PCM1: variants seen among roughly 807,000 people sequenced by gnomAD.
PCM1 encodes the protein pericentriolar material 1 protein.
A neutral mutation model predicts 241.9 loss-of-function variants in PCM1; 157 were observed. That is an observed-to-expected ratio of 0.65 (90% CI 0.57 to 0.74). The LOEUF (loss-of-function observed/expected upper bound fraction) is 0.74, where lower values mean the gene tolerates loss of function less well. Among genes scored for constraint, PCM1 ranks in the 30% least tolerant of loss-of-function variants. PCM1 has a pLI of 0.00. For synonymous variants in PCM1, 1,085 were observed against 784.9 expected, an observed-to-expected ratio of 1.38 and a Z score of -6.39; for missense variants, 3,478 against 2,360.1, an observed-to-expected ratio of 1.47 and a Z score of -9.81.
chr8:17,944,627 A>G (rs1349216944), intron 6 of PCM1, among the ~76,000 whole-genome samples: 1 of 152,128 alleles, frequency 6.6e-6, no homozygotes, highest in Non-Finnish European at 1.5e-5. Flanking sequence ...AAGAATTAAT[A>G]TACACCTAGC....
Position 17,993,510 on chromosome 8 carries a change from C to G in PCM1, c.4718C>G (p.Ser1573Ter). 6.3e-7 allele frequency: 1 copy of G among 1,578,068 alleles called. No individual in the cohort carries two copies. Among genetic ancestry groups the G allele is most frequent in the Non-Finnish European group, 8.6e-7 (1 of 1,162,914 alleles). The stretch of plus-strand genomic sequence containing the variant: ...ACTCCCGTTATTGAAAATCGTAGTT[C>G]ACAACAACCTGTAAGTGAAGTTTCT... Reference protein sequence around the residue: ...EETPVIENRSSQQPVSEVSTI... With the variant: ...EETPVIENRS The change falls in exon 29 of 39, where the codon TCA becomes TGA. Residue 1573 changes from serine (S) to a stop codon, truncating the protein, a stop_gained. Coordinates refer to ENST00000325083, the MANE Select transcript of PCM1 (RefSeq NM_006197.4). LOFTEE classifies it high-confidence loss of function.
At position 17,956,647 on chromosome 8, in the gene PCM1, T is replaced by G; in HGVS notation, c.1516T>G (p.Leu506Val). The G allele has an allele frequency of 6.2e-7, 1 of 1,602,504 alleles. No individual in the cohort carries two copies. Among genetic ancestry groups the G allele is most frequent in the Non-Finnish European group, 8.5e-7 (1 of 1,172,898 alleles). ...AAAGAGATTGAATGAGCTAAGAGAATTAGTTCATTATTATGAACAAACGTC... is the reference window on the plus strand; with the variant it reads ...AAAGAGATTGAATGAGCTAAGAGAAGTAGTTCATTATTATGAACAAACGTC... ...VRKRLNELRE[L>V]VHYYEQTSDM... The change falls in exon 11 of 39, where the codon TTA becomes GTA. Residue 506 changes from leucine to valine, a missense_variant. Transcript: ENST00000325083.
At chr8:18,022,512 T>A (rs1175783456) in intron 36 of PCM1, among the ~76,000 whole-genome samples, 2 of 152,242 alleles carry the variant, frequency 1.3e-5, no homozygotes, top group Non-Finnish European at 2.9e-5. Flanking sequence ...ATTGGTTTTA[T>A]GAAAAGGTTT....
At chr8:17,929,182 TA>T (rs1434417043) in intron 2 of PCM1, among the ~76,000 whole-genome samples, 3 of 152,180 alleles carry the variant, frequency 2.0e-5, no homozygotes, top group Non-Finnish European at 2.9e-5. Flanking sequence ...TCTAGGAGGA[TA>T]CTTCTCAGTA....
At chr8:17,951,481 G>T (rs1015747294) in intron 8 of PCM1, among the ~76,000 whole-genome samples, 1 of 152,160 alleles carries the variant, frequency 6.6e-6, no homozygotes, top group Admixed American at 6.5e-5. Flanking sequence ...TGGCAACTCT[G>T]TGTTAATAGC....
In PCM1 at chr8:18,009,586, T is replaced by G. The variant is rs1169345073; in HGVS notation, c.5002T>G (p.Cys1668Gly). The change falls in exon 31 of 39, where the codon TGT becomes GGT. Residue 1668 changes from cysteine to glycine, a missense_variant. Coordinates refer to ENST00000325083, the MANE Select transcript of PCM1 (RefSeq NM_006197.4). The stretch of plus-strand genomic sequence containing the variant: ...ATTTGCTGGCAGAAAACTGAAAGAC[T>G]GTGGAGAAGATCTTCTTGTAGAGAT... ...AKFAGRKLKD[C>G]GEDLLVEISE... 4 of 1,602,954 alleles carry G rather than the reference T, an allele frequency of 2.5e-6. No individual in the cohort carries two copies. Among genetic ancestry groups the G allele is most frequent in the Non-Finnish European group, 3.4e-6 (4 of 1,174,236 alleles).
intron 36 of PCM1, among the ~76,000 whole-genome samples, chr8:18,016,665 A>C (rs750055759): frequency 7.8e-4 from 119 of 152,330 alleles, no homozygotes; most frequent in Non-Finnish European, 1.5e-3. Context: ...AACCAAAATA[A>C]AATGAATTGT....
rs768497198 is a variant in PCM1, at chr8:17,953,023, G to A, written c.1125G>A (p.Arg375=). Residue 375 remains arginine (R), a synonymous_variant, in exon 9 of 39, where the codon AGG becomes AGA. Transcript: ENST00000325083. Reference sequence around the variant, plus strand: ...AGGCAGAAAGTCTTTCATTAACTAGGGAGGTTTCCCAGAGCAGGAAACCAT... The same window carrying A: ...AGGCAGAAAGTCTTTCATTAACTAGAGAGGTTTCCCAGAGCAGGAAACCAT... The part of the protein sequence containing the change: ...RRQAESLSLT[R]EVSQSRKPSA... The A allele has an allele frequency of 1.2e-6, 2 of 1,608,494 alleles. No homozygotes were observed.
At chr8:17,936,004 G>T (rs1389405375) in intron 3 of PCM1, among the ~76,000 whole-genome samples, 1 of 152,130 alleles carries the variant, frequency 6.6e-6, no homozygotes, top group Non-Finnish European at 1.5e-5. Context: ...AAATTATCAA[G>T]AATTACGTTT....
At chr8:17,936,413 G>T (rs1158211260) in intron 3 of PCM1, among the ~76,000 whole-genome samples, 1 of 152,162 alleles carries the variant, frequency 6.6e-6, no homozygotes, top group African/African-American at 2.4e-5. Context: ...GTTGGATAAA[G>T]TGGGAATTTA....
chr8:17,998,831 G>A (rs2087997196), intron 29 of PCM1, among the ~76,000 whole-genome samples: 1 of 152,020 alleles, frequency 6.6e-6, no homozygotes, highest in African/African-American at 2.4e-5. Flanking sequence ...AAATCTACCT[G>A]GTATTCTGTC....
intron 36 of PCM1, among the ~76,000 whole-genome samples, chr8:18,020,329 C>G (rs1005667758): frequency 6.6e-6 from 1 of 152,116 alleles, no homozygotes; most frequent in African/African-American, 2.4e-5. Context: ...TTTATCTGAC[C>G]TAGTATTAGG....
chr8:17,983,581 G>A (rs1164389164), intron 24 of PCM1, among the ~76,000 whole-genome samples: 1 of 151,974 alleles, frequency 6.6e-6, no homozygotes, highest in African/African-American at 2.4e-5. Context: ...AGGTTATTTT[G>A]TACTTCTTCA....
chr8:18,014,551 TACAC>T (rs1371202013), intron 35 of PCM1, 29 bp from the exon 36 acceptor site: 1 of 1,533,282 alleles, frequency 6.5e-7, no homozygotes, highest in African/African-American at 1.4e-5. Context: ...TTTTTTGCAT[TACAC>T]TAATGTTAAG....
chr8:18,013,943 T>A, intron 34 of PCM1, 21 bp from the exon 35 acceptor site: 1 of 1,514,768 alleles, frequency 6.6e-7, no homozygotes, highest in South Asian at 1.2e-5. Context: ...GCCCTGCTAT[T>A]AAAACATTTT....
At chr8:17,970,999 G>T (rs1269328512) in intron 22 of PCM1, among the ~76,000 whole-genome samples, 1 of 152,152 alleles carries the variant, frequency 6.6e-6, no homozygotes, top group African/African-American at 2.4e-5. Flanking sequence ...TGGCCATATA[G>T]TGTTTATCAT....
intron 13 of PCM1, among the ~76,000 whole-genome samples, chr8:17,958,332 T>C (rs1016496622): frequency 1.3e-4 from 20 of 152,282 alleles, no homozygotes; most frequent in African/African-American, 4.6e-4. Flanking sequence ...TGTTATCTTA[T>C]TCAGTAAGGT....
rs758169705 is a variant in PCM1, at chr8:17,980,606, G to T, written c.3959G>T (p.Ser1320Ile). The T allele has an allele frequency of 2.5e-6, 4 of 1,595,266 alleles. No homozygotes were observed. Among genetic ancestry groups the T allele is most frequent in the Non-Finnish European group, 3.4e-6 (4 of 1,172,852 alleles). ...RVKNIRYESA[S>I]MSSTCEPCKS... ...TTTACTCAAGGGTATGAAAGTGCCA[G>T]TATGTCTAGCACATGTGAACCTTGC... Residue 1320 changes from serine (S) to isoleucine (I), a missense_variant, in exon 24 of 39, where the codon AGT (serine) becomes ATT (isoleucine). Transcript: ENST00000325083.
intron 2 of PCM1, among the ~76,000 whole-genome samples, chr8:17,929,395 G>C (rs937371951): frequency 6.6e-6 from 1 of 152,018 alleles, no homozygotes; most frequent in African/African-American, 2.4e-5. Flanking sequence ...TCGTCTCCCT[G>C]AGTCCTCTGT....
Sources: allele counts gnomAD v4.1 joint callset (sites outside exome capture counted in the v4.1 genomes callset), GRCh38; gene constraint gnomAD v4.1.1; transcripts MANE v1.5; gene names NCBI Gene and HGNC (gene_info 2026-07-23, HGNC 2026-07-21).